MTHFD1L: variants seen among roughly 807,000 people sequenced by gnomAD.
MTHFD1L encodes monofunctional C1-tetrahydrofolate synthase, mitochondrial.
Under a neutral mutation model 119.5 loss-of-function variants are expected in MTHFD1L, and 81 were observed. The observed-to-expected ratio is 0.68, with a 90% CI of 0.57 to 0.82. The LOEUF (loss-of-function observed/expected upper bound fraction) is 0.82, where lower values mean the gene tolerates loss of function less well. Ranked by LOEUF, MTHFD1L falls within the 40% of genes least tolerant of loss-of-function variation. MTHFD1L has a pLI of 0.00. For missense variants in MTHFD1L, 1,125 were observed against 1,253.4 expected (o/e 0.90, Z 1.55); for synonymous variants, 430 against 475.2 (o/e 0.90, Z 1.24).
intron 9 of MTHFD1L, 44 bp downstream of exon 9, chr6:150,918,712 T>G: frequency 6.7e-7 from 1 of 1,496,752 alleles, no homozygotes; most frequent in East Asian, 2.3e-5. Context: ...TTTGGAAGTT[T>G]GATTAATAGT....
At chr6:150,935,003 G>A in intron 11 of MTHFD1L, 1 of 1,605,288 alleles carries the variant, frequency 6.2e-7, no homozygotes. Flanking sequence ...CTTCTATCCT[G>A]TCCAACCTGC....
intron 8 of MTHFD1L, among the ~76,000 whole-genome samples, chr6:150,911,305 C>T (rs1249305631): frequency 6.6e-6 from 1 of 152,002 alleles, no homozygotes; most frequent in Non-Finnish European, 1.5e-5. Flanking sequence ...TTAATCATGT[C>T]TTACATTGCA....
At chr6:151,035,107 C>A (rs1342300776) in intron 25 of MTHFD1L, among the ~76,000 whole-genome samples, 4 of 152,154 alleles carry the variant, frequency 2.6e-5, no homozygotes. Context: ...TGAGCTTGTC[C>A]GCTGAGATTG....
chr6:150,880,563 G>A (rs1459551889), intron 4 of MTHFD1L, among the ~76,000 whole-genome samples: 1 of 152,224 alleles, frequency 6.6e-6, no homozygotes, highest in Non-Finnish European at 1.5e-5. Context: ...TAACAAACAT[G>A]GGAATGCAGA....
intron 11 of MTHFD1L, among the ~76,000 whole-genome samples, chr6:150,928,123 C>A (rs1790358154): frequency 6.6e-6 from 1 of 151,996 alleles, no homozygotes; most frequent in Non-Finnish European, 1.5e-5. Flanking sequence ...TATTTATAAC[C>A]ACAAATAAAG....
chr6:150,938,678 G>A (rs991319821), intron 12 of MTHFD1L, 21 bp from the exon 13 acceptor site: 8 of 1,605,932 alleles, frequency 5.0e-6, no homozygotes, highest in African/African-American at 1.3e-5. Context: ...CGTTTGAAAT[G>A]CCTCTTGCTC....
intron 26 of MTHFD1L, among the ~76,000 whole-genome samples, chr6:151,059,468 C>T (rs753416515): frequency 7.2e-5 from 11 of 152,084 alleles, no homozygotes; most frequent in Non-Finnish European, 1.0e-4. Context: ...CGAGCCACCG[C>T]ACCTGGCCAT....
intron 7 of MTHFD1L, among the ~76,000 whole-genome samples, chr6:150,903,257 G>T (rs996842981): frequency 2.7e-5 from 3 of 112,698 alleles, no homozygotes; most frequent in African/African-American, 6.9e-5. Flanking sequence ...TTGCTCCATC[G>T]CCCAGGCTGG....
At chr6:150,885,214 T>G (rs1437268209) in intron 5 of MTHFD1L, among the ~76,000 whole-genome samples, 8 of 133,280 alleles carry the variant, frequency 6.0e-5, no homozygotes, top group African/African-American at 2.3e-4. Flanking sequence ...TTTTTTTTTT[T>G]GAGATGGAGT....
chr6:151,011,622 T>C (rs975841004), intron 21 of MTHFD1L, among the ~76,000 whole-genome samples: 4 of 152,228 alleles, frequency 2.6e-5, no homozygotes, highest in Admixed American at 2.0e-4. Context: ...TCTTAACATA[T>C]GTGCTCTGTT....
rs116661372 is a variant in MTHFD1L, at chr6:150,928,604, C to A, written c.1256+2309C>A. Among the ~76,000 whole-genome samples, 1,349 of 149,036 alleles carry A rather than the reference C, an allele frequency of 9.1e-3. 28 individuals are homozygous for A. The highest frequency in any genetic ancestry group is 0.032 in the African/African-American group (1,294 of 40,278). On this transcript the variant is annotated intron_variant, in intron 11 of 27. Transcript: ENST00000367321. Reference sequence around the variant, plus strand: ...TCACCCAGGCTGGAGTGCACTGGTGCGATTTTGGCTCGCTGCAACCTCTGC... The same window carrying A: ...TCACCCAGGCTGGAGTGCACTGGTGAGATTTTGGCTCGCTGCAACCTCTGC...
intron 25 of MTHFD1L, among the ~76,000 whole-genome samples, chr6:151,036,241 C>T (rs1286779321): frequency 6.6e-6 from 1 of 152,070 alleles, no homozygotes; most frequent in Non-Finnish European, 1.5e-5. Context: ...CATAGCAAAA[C>T]CTCCATCTCT....
chr6:150,924,928 A>T (rs1001100917), intron 10 of MTHFD1L, among the ~76,000 whole-genome samples: 3 of 150,268 alleles, frequency 2.0e-5, no homozygotes, highest in Admixed American at 2.0e-4. Flanking sequence ...AGGAATACTC[A>T]GCGGTACTTG....
chr6:151,091,200 T>C (rs1036779195), intron 26 of MTHFD1L, among the ~76,000 whole-genome samples: 6 of 150,528 alleles, frequency 4.0e-5, no homozygotes, highest in African/African-American at 1.5e-4. Flanking sequence ...CATCGTTCCA[T>C]GCGACTGGGT....
intron 10 of MTHFD1L, among the ~76,000 whole-genome samples, chr6:150,922,929 C>T (rs749599740): frequency 1.3e-4 from 20 of 152,232 alleles, no homozygotes; most frequent in African/African-American, 3.4e-4. Flanking sequence ...CAGGCGTGAG[C>T]GACCACGCCT....
rs185350006 is a variant in MTHFD1L at position 151,023,393 on chromosome 6, T to G, written c.2586+7700T>G. On this transcript the variant is annotated intron_variant, in intron 24 of 27. Transcript: ENST00000367321. Reference sequence around the variant, plus strand: ...AGACCTTCTGCAAACACACCTTAGATCCCTCTCAAATCTAGATGCTTCTCC... The same window carrying G: ...AGACCTTCTGCAAACACACCTTAGAGCCCTCTCAAATCTAGATGCTTCTCC... 1.6e-4 allele frequency among the ~76,000 whole-genome samples: 24 copies of G among 152,122 alleles called. 1 individual carries two copies. Among genetic ancestry groups the G allele is most frequent in the East Asian group, 1.5e-3 (8 of 5,174 alleles).
chr6:150,982,749 G>A lies in MTHFD1L; in HGVS notation c.2125+10691G>A, dbSNP rs181228813. ...GAGTCTCTCTCTGTTGCCCAGGCTG[G>A]CGTGCAGTGGCATGATCTCAGCTCA... On this transcript the variant is annotated intron_variant, in intron 20 of 27. Transcript: ENST00000367321. Among the ~76,000 whole-genome samples the A allele has an allele frequency of 5.4e-3, 814 of 151,644 alleles. 8 individuals are homozygous for A. The highest frequency in any genetic ancestry group is 0.019 in the African/African-American group (772 of 41,274).
At chr6:151,092,148 T>C in intron 26 of MTHFD1L, among the ~76,000 whole-genome samples, 1 of 152,142 alleles carries the variant, frequency 6.6e-6, no homozygotes, top group South Asian at 2.1e-4. Context: ...GGCTTGTCTT[T>C]GTTGGCGTTC....
chr6:150,900,882 G>T (rs918743891), intron 7 of MTHFD1L, among the ~76,000 whole-genome samples: 3 of 151,846 alleles, frequency 2.0e-5, no homozygotes, highest in African/African-American at 7.3e-5. Context: ...GGGCATGGTG[G>T]CAGGTGCCTG....
Sources: gnomAD v4.1 joint callset for allele counts (sites outside exome capture counted in the v4.1 genomes callset) on GRCh38, gnomAD v4.1.1 for gene constraint, MANE v1.5 for transcripts, NCBI Gene and HGNC (gene_info 2026-07-23, HGNC 2026-07-21) for gene names.